Variants in ANKS6 observed in about 807,000 individuals in gnomAD.
ANKS6 encodes ankyrin repeat and sterile alpha motif domain containing 6.
Under a neutral mutation model 77.9 loss-of-function variants are expected in ANKS6, and 47 were observed. The observed-to-expected ratio is 0.60, with a 90% CI of 0.48 to 0.77. The LOEUF (loss-of-function observed/expected upper bound fraction) is 0.77, where lower values mean the gene tolerates loss of function less well. Ranked by LOEUF, ANKS6 falls within the 30% of genes least tolerant of loss-of-function variation. The pLI is 0.00. For missense variants in ANKS6, 1,150 were observed against 1,159.1 expected (o/e 0.99, Z 0.11); for synonymous variants, 488 against 501.7 (o/e 0.97, Z 0.37).
rs1175900173 is a variant in ANKS6, at chr9:98,754,633, C to T, written c.2326+1787G>A. 2.0e-5 allele frequency among the ~76,000 whole-genome samples: 3 copies of T among 151,402 alleles called. No homozygotes were observed. The East Asian group carries it at 5.8e-4, about 29-fold the overall frequency. ...CTCCAGCATGGGTGACAGAGCAAGCCTCCGTCTCAAAAAAAAAAAAGCTCT... is the reference window on the plus strand; with the variant it reads ...CTCCAGCATGGGTGACAGAGCAAGCTTCCGTCTCAAAAAAAAAAAAGCTCT... On this transcript the variant is annotated intron_variant, in intron 12 of 14. Transcript: ENST00000353234.
chr9:98,795,307 C>T (rs1394810742), intron 1 of ANKS6, among the ~76,000 whole-genome samples: 1 of 151,408 alleles, frequency 6.6e-6, no homozygotes, highest in African/African-American at 2.5e-5. Context: ...TCTCACACTT[C>T]AAGGAAAGTA....
In ANKS6 at chr9:98,770,751, A is replaced by G. The variant is rs192983442; in HGVS notation, c.1972+145T>C. 53 of 886,052 alleles carry G rather than the reference A, an allele frequency of 6.0e-5. No individual in the cohort carries two copies. In the Admixed American group the frequency reaches 1.9e-3, roughly 32 times the overall value. 54.9% of individuals were successfully genotyped at this position (886,052 alleles called of 1,614,324 possible). A position where few individuals can be genotyped will look rare whatever the true frequency, so the allele number is the denominator to read the frequency against. ...AAAACTCTGAATTGGGAATTCACTG[A>G]AAAATCTCTTAGCCACATTAAGGAG... On this transcript the variant is annotated intron_variant, in intron 10 of 14. Coordinates refer to ENST00000353234, the MANE Select transcript of ANKS6 (RefSeq NM_173551.5).
intron 9 of ANKS6, among the ~76,000 whole-genome samples, chr9:98,772,006 C>T (rs1247440903): frequency 6.6e-6 from 1 of 152,114 alleles, no homozygotes; most frequent in African/African-American, 2.4e-5. Flanking sequence ...GCTCTGGCCT[C>T]GGCACAAAGA....
intron 13 of ANKS6, among the ~76,000 whole-genome samples, chr9:98,746,582 CTTTTTT>C (rs71496901): frequency 9.0e-5 from 12 of 133,328 alleles, no homozygotes; most frequent in African/African-American, 3.0e-4. Context: ...GCACAGAGAG[CTTTTTT>C]TTTTTTTTTT....
intron 6 of ANKS6, among the ~76,000 whole-genome samples, chr9:98,779,096 A>G (rs1174399097): frequency 6.6e-6 from 1 of 152,246 alleles, no homozygotes; most frequent in Non-Finnish European, 1.5e-5. Flanking sequence ...CCAGCAATGG[A>G]CACAAAAGGA....
At chr9:98,783,817 T>C (rs1834408655) in intron 4 of ANKS6, 136 bp downstream of exon 4, 1 of 723,210 alleles carries the variant, frequency 1.4e-6, no homozygotes, top group African/African-American at 1.8e-5. Context: ...TTTTTTTTTT[T>C]TCCATGCCTC....
rs937185789 is a variant in ANKS6, at chr9:98,767,959, TG to T, written c.2142+121del. On this transcript the variant is annotated intron_variant, in intron 11 of 14. Coordinates refer to ENST00000353234, the MANE Select transcript of ANKS6 (RefSeq NM_173551.5). ...CTCATGCAGCCCAGGAGTGGCTGGC[TG>T]GAAGGGGCCTGTCTTTAGTCCTGTC... is the stretch of plus-strand genomic sequence containing the variant. The T allele has an allele frequency of 2.2e-6, 3 of 1,342,214 alleles. No individual in the cohort carries two copies. In the African/African-American group the frequency reaches 4.4e-5, roughly 20 times the overall value. The allele number at this position is 1,342,214 out of a possible 1,614,324, so 83.1% of individuals were successfully genotyped here.
chr9:98,754,410 G>A (rs1832587709), intron 12 of ANKS6, among the ~76,000 whole-genome samples: 1 of 152,180 alleles, frequency 6.6e-6, no homozygotes, highest in Admixed American at 6.5e-5. Context: ...GGGAGGCCGA[G>A]GCGGGCGGAT....
intron 14 of ANKS6, among the ~76,000 whole-genome samples, chr9:98,743,706 A>G (rs982862655): frequency 3.9e-5 from 6 of 152,186 alleles, no homozygotes; most frequent in Admixed American, 3.9e-4. Flanking sequence ...CCTCATCTAC[A>G]AACTGAAACT....
At chr9:98,790,802 T>C (rs1174127866) in intron 1 of ANKS6, among the ~76,000 whole-genome samples, 196 bp from the exon 2 acceptor site, 1 of 152,232 alleles carries the variant, frequency 6.6e-6, no homozygotes, top group African/African-American at 2.4e-5. Flanking sequence ...CTGCCTGGGT[T>C]CAAATCCAGC....
At chr9:98,758,567 A>AGTG (rs1832839590) in intron 11 of ANKS6, among the ~76,000 whole-genome samples, 2 of 152,200 alleles carry the variant, frequency 1.3e-5, no homozygotes, top group Non-Finnish European at 2.9e-5. Context: ...GCAAAGACAT[A>AGTG]TATACACTAA....
chr9:98,792,232 G>C (rs1287657473), intron 1 of ANKS6, among the ~76,000 whole-genome samples: 1 of 152,076 alleles, frequency 6.6e-6, no homozygotes, highest in South Asian at 2.1e-4. Context: ...ACCGTGTCCT[G>C]CTTCAGGAGT....
intron 11 of ANKS6, among the ~76,000 whole-genome samples, chr9:98,766,387 G>C (rs1391701018): frequency 6.6e-6 from 1 of 152,052 alleles, no homozygotes; most frequent in African/African-American, 2.4e-5. Flanking sequence ...CATCAGAATA[G>C]AAACAAAATT....
chr9:98,769,630 G>A (rs1833514522), intron 10 of ANKS6, among the ~76,000 whole-genome samples: 1 of 152,220 alleles, frequency 6.6e-6, no homozygotes, highest in Non-Finnish European at 1.5e-5. Flanking sequence ...GCAGTTTATA[G>A]TTTAGAAAGG....
chr9:98,749,063 C>T (rs1832292050), intron 13 of ANKS6, among the ~76,000 whole-genome samples: 1 of 152,172 alleles, frequency 6.6e-6, no homozygotes, highest in Admixed American at 6.5e-5. Context: ...AAACCTCAGT[C>T]CTACTAAAGC....
chr9:98,757,658 G>T (rs541302561), intron 11 of ANKS6, among the ~76,000 whole-genome samples: 2 of 152,220 alleles, frequency 1.3e-5, no homozygotes, highest in Non-Finnish European at 2.9e-5. Context: ...GCTGGGCATG[G>T]TGGCTCATGC....
At chr9:98,789,987 G>T in intron 2 of ANKS6, 117 bp downstream of exon 2, 1 of 1,395,396 alleles carries the variant, frequency 7.2e-7, no homozygotes, top group Non-Finnish European at 9.6e-7. Context: ...AGTCTCAGTG[G>T]TCTGCAGGGC....
At position 98,790,495 on chromosome 9, in the gene ANKS6, C is replaced by T. The variant is rs778572015; in HGVS notation, c.471G>A (p.Leu157=). ...VLTVASRGGH[L]GVVKLLLEAG... ...CTTCCAGGAGCAGCTTCACCACACC[C>T]AGGTGGCCGCCCCGAGAAGCCACAG... The change falls in exon 2 of 15, where the codon CTG becomes CTA. Residue 157 remains leucine, a synonymous_variant. Coordinates refer to ENST00000353234, the MANE Select transcript of ANKS6 (RefSeq NM_173551.5). The T allele has an allele frequency of 6.2e-7, 1 of 1,613,530 alleles. No homozygotes were observed. Among genetic ancestry groups the T allele is most frequent in the East Asian group, 2.2e-5 (1 of 44,870 alleles).
At chr9:98,788,566 C>G (rs770892415) in intron 2 of ANKS6, among the ~76,000 whole-genome samples, 9 of 152,220 alleles carry the variant, frequency 5.9e-5, no homozygotes, top group Non-Finnish European at 1.2e-4. Context: ...GCCCTAATTT[C>G]TAATAGCAAG....
Sources: allele counts gnomAD v4.1 joint callset (sites outside exome capture counted in the v4.1 genomes callset), GRCh38; gene constraint gnomAD v4.1.1; transcripts MANE v1.5; gene names NCBI Gene and HGNC (gene_info 2026-07-23, HGNC 2026-07-21).